The following TMEM245 variants were observed in gnomAD, a reference collection of about 807,000 sequenced individuals.
TMEM245 encodes protein CG-2.
Under a neutral mutation model 101.2 loss-of-function variants are expected in TMEM245, and 69 were observed. That is an observed-to-expected ratio of 0.68 (90% confidence interval 0.56 to 0.83). The LOEUF is 0.83. Ranked by LOEUF, TMEM245 falls within the 40% of genes least tolerant of loss-of-function variation. The probability of loss-of-function intolerance (pLI) is 0.00; values close to 1 mark genes in which losing one functional copy is unlikely to be tolerated. For missense variants in TMEM245, 1,075 were observed against 1,092.8 expected (o/e 0.98, Z 0.23); for synonymous variants, 537 against 449.8 (o/e 1.19, Z -2.45).
intron 9 of TMEM245, among the ~76,000 whole-genome samples, chr9:109,067,726 C>A (rs551773293): frequency 3.3e-5 from 5 of 152,152 alleles, no homozygotes; most frequent in Non-Finnish European, 7.4e-5. Flanking sequence ...TCATTATTTT[C>A]TTTAGAGCTC....
In TMEM245 at chr9:109,090,985, T is replaced by C. The variant is rs1192059008; in HGVS notation, c.1087A>G (p.Ile363Val). Reference sequence around the variant, plus strand: ...TTCAACCAGATCTGCATGACGACAATGGCCCAAACTAGAGACACAAAGTAG... The same window carrying C: ...TTCAACCAGATCTGCATGACGACAACGGCCCAAACTAGAGACACAAAGTAG... ...DIYFVSLVWAIVVMQIWLNLW... is the reference protein window; with the variant it reads ...DIYFVSLVWAVVVMQIWLNLW... Residue 363 changes from isoleucine (I) to valine (V), a missense_variant, in exon 5 of 18, where the codon ATT becomes GTT. Ile to Val is a conservative substitution (Grantham distance 29). This residue lies in a region of TMEM245 where 808 missense variants were observed against 741.5 expected (regional missense o/e 1.09). Coordinates refer to ENST00000374586, the MANE Select transcript of TMEM245 (RefSeq NM_032012.4). 4.3e-6 allele frequency: 7 copies of C among 1,614,004 alleles called. No individual in the cohort carries two copies. The highest frequency in any genetic ancestry group is 4.5e-5 in the East Asian group (2 of 44,886).
chr9:109,032,595 C>T (rs1169039072), intron 17 of TMEM245, among the ~76,000 whole-genome samples: 1 of 150,506 alleles, frequency 6.6e-6, no homozygotes, highest in East Asian at 2.0e-4. Context: ...ACCATGTTGG[C>T]CAGGCTGGTC....
chr9:109,109,961 T>C lies in TMEM245; in HGVS notation c.580-1391A>G, dbSNP rs190832313. Among the ~76,000 whole-genome samples the C allele has an allele frequency of 4.5e-3, 679 of 152,276 alleles. 13 individuals carry two copies. Among genetic ancestry groups the C allele is most frequent in the Non-Finnish European group, 1.2e-3 (80 of 67,986 alleles). On this transcript the variant is annotated intron_variant, in intron 1 of 17. Transcript: ENST00000374586. Reference sequence around the variant, plus strand: ...GCTGTATTTGGGTGGTAAAATTTTGTTTTTCCTTTCACTTTTTTCTGTATT... The same window carrying C: ...GCTGTATTTGGGTGGTAAAATTTTGCTTTTCCTTTCACTTTTTTCTGTATT...
At chr9:109,103,519 T>C (rs1830331131) in intron 3 of TMEM245, among the ~76,000 whole-genome samples, 1 of 152,136 alleles carries the variant, frequency 6.6e-6, no homozygotes, top group Non-Finnish European at 1.5e-5. Context: ...GAACATGTGG[T>C]ACTTATACAC....
chr9:109,119,876 A>G lies in TMEM245; in HGVS notation c.38T>C (p.Leu13Pro). The G allele has an allele frequency of 1.5e-6, 2 of 1,304,212 alleles. No homozygotes were observed. The highest frequency in any genetic ancestry group is 2.7e-4 in the Middle Eastern group (1 of 3,704). The allele number at this position is 1,304,212 out of a possible 1,614,324, so 80.8% of individuals were successfully genotyped here. A position where few individuals can be genotyped will look rare whatever the true frequency, so the allele number is the denominator to read the frequency against. Residue 13 changes from leucine to proline, a missense_variant, in exon 1 of 18, where the codon CTG becomes CCG. Leu to Pro is a moderately conservative substitution (Grantham distance 98). Coordinates refer to ENST00000374586, the MANE Select transcript of TMEM245 (RefSeq NM_032012.4). Reference sequence around the variant, plus strand: ...CGGCGCCGGCCCGGGAGAGCTCCGCAGGCTTGGCGCGTCCTTAGGGCCGCC... The same window carrying G: ...CGGCGCCGGCCCGGGAGAGCTCCGCGGGCTTGGCGCGTCCTTAGGGCCGCC... ...DGGGPKDAPS[L>P]RSSPGPAPRV... is the part of the protein sequence containing the mutation.
intron 1 of TMEM245, among the ~76,000 whole-genome samples, chr9:109,117,028 TTTA>T (rs966200175): frequency 6.6e-6 from 1 of 152,122 alleles, no homozygotes; most frequent in Non-Finnish European, 1.5e-5. Flanking sequence ...AACTCATACT[TTTA>T]TGTTGAGTTT....
chr9:109,037,716 T>C (rs985989082), intron 15 of TMEM245, among the ~76,000 whole-genome samples: 3 of 152,184 alleles, frequency 2.0e-5, no homozygotes, highest in Non-Finnish European at 2.9e-5. Flanking sequence ...TGCAGAACCG[T>C]GAGCCAATTA....
At chr9:109,069,186 G>C (rs1286519393) in intron 9 of TMEM245, among the ~76,000 whole-genome samples, 2 of 152,052 alleles carry the variant, frequency 1.3e-5, no homozygotes, top group African/African-American at 2.4e-5. Flanking sequence ...CCTGATCTGG[G>C]GCTGCTCAGA....
At chr9:109,050,842 A>G (rs961302701) in intron 12 of TMEM245, 150 bp from the exon 13 acceptor site, 114 of 915,156 alleles carry the variant, frequency 1.2e-4, no homozygotes, top group Admixed American at 4.5e-4. Context: ...AAAAAAAAAA[A>G]GAAAAATCAA....
chr9:109,022,588 A>G (rs1328451112), intron 17 of TMEM245, among the ~76,000 whole-genome samples: 2 of 152,122 alleles, frequency 1.3e-5, no homozygotes, highest in African/African-American at 4.8e-5. Flanking sequence ...TTCAACTAGA[A>G]TGCCAATCAA....
At position 109,029,561 on chromosome 9, in the gene TMEM245, G is replaced by C. The variant is rs574562600; in HGVS notation, c.2594+3746C>G. ...CGGATTAAGTTTGACATTAGGAAAA[G>C]CTTTTTCAGACATGCATCATCCCTC... On this transcript the variant is annotated intron_variant, in intron 17 of 17. Coordinates refer to ENST00000374586, the MANE Select transcript of TMEM245 (RefSeq NM_032012.4). Among the ~76,000 whole-genome samples, 103 of 152,276 alleles carry C rather than the reference G, an allele frequency of 6.8e-4. 3 individuals are homozygous for C. The South Asian group carries it at 0.02, about 30-fold the overall frequency.
intron 17 of TMEM245, among the ~76,000 whole-genome samples, chr9:109,032,742 G>C (rs1329942116): frequency 2.0e-5 from 3 of 149,594 alleles, no homozygotes; most frequent in Non-Finnish European, 4.4e-5. Flanking sequence ...GTCCCGCATA[G>C]AATTAGATTT....
At chr9:109,099,635 T>TA (rs149365471) in intron 3 of TMEM245, among the ~76,000 whole-genome samples, 1 of 152,024 alleles carries the variant, frequency 6.6e-6, no homozygotes, top group Admixed American at 6.6e-5. Flanking sequence ...CTAGACTGCT[T>TA]AAAAAAAACT....
rs149395235 is a variant in TMEM245, at chr9:109,086,029, T to TA, written c.1321-10dup. The TA allele has an allele frequency of 4.0e-3, 6,513 of 1,613,784 alleles. 233 individuals are homozygous for TA. The African/African-American group carries it at 0.078, about 19-fold the overall frequency. ...TTTAGCCAGTGCCAGAGCTTGAGGA[T>TA]AGGGGGTAAGGTGAGAAAGAGAAGA... On this transcript the variant is annotated splice_polypyrimidine_tract_variant and intron_variant, in intron 6 of 17. Transcript: ENST00000374586.
At chr9:109,066,390 C>T (rs1369066212) in intron 9 of TMEM245, among the ~76,000 whole-genome samples, 2 of 129,844 alleles carry the variant, frequency 1.5e-5, no homozygotes, top group Admixed American at 9.6e-5. Flanking sequence ...AGGAGGCAGA[C>T]GTTGCAATGA....
intron 3 of TMEM245, among the ~76,000 whole-genome samples, chr9:109,095,037 G>A (rs2132588137): frequency 6.6e-6 from 1 of 152,306 alleles, no homozygotes; most frequent in East Asian, 1.9e-4. Flanking sequence ...TACTCACCTT[G>A]CTCAGTCATA....
chr9:109,075,780 T>C (rs1165332337), intron 8 of TMEM245, among the ~76,000 whole-genome samples: 1 of 152,268 alleles, frequency 6.6e-6, no homozygotes, highest in Non-Finnish European at 1.5e-5. Context: ...TATTGATGTT[T>C]TTCAAAGAAA....
At chr9:109,083,444 A>T (rs1051372666) in intron 7 of TMEM245, among the ~76,000 whole-genome samples, 6 of 152,194 alleles carry the variant, frequency 3.9e-5, no homozygotes, top group Admixed American at 6.5e-5. Flanking sequence ...TTCCATGCTG[A>T]AAGACTGAGA....
chr9:109,081,969 C>A (rs1829678088), intron 7 of TMEM245, among the ~76,000 whole-genome samples: 1 of 152,184 alleles, frequency 6.6e-6, no homozygotes, highest in Admixed American at 6.5e-5. Flanking sequence ...TTCAAAACTA[C>A]ATTTAACTAG....
Sources: allele counts gnomAD v4.1 joint callset (sites outside exome capture counted in the v4.1 genomes callset), GRCh38; gene constraint gnomAD v4.1.1; regional missense constraint gnomAD v4.1.1; transcripts MANE v1.5; gene names NCBI Gene and HGNC (gene_info 2026-07-23, HGNC 2026-07-21).